Variants in AKAP19 observed in about 807,000 individuals in gnomAD.
AKAP19 encodes small A-kinase anchoring protein.
At chr2:189,892,597 C>A in the AKAP19 span, among the ~76,000 whole-genome samples, 1 of 152,222 alleles carries the variant, frequency 6.6e-6, no homozygotes, top group South Asian at 2.1e-4. Flanking sequence ...CTGTTCCTTC[C>A]TCTGGAAGCT....
the AKAP19 span, among the ~76,000 whole-genome samples, chr2:190,050,533 G>C: frequency 1.3e-5 from 2 of 152,114 alleles, no homozygotes; most frequent in East Asian, 3.8e-4. Flanking sequence ...TGCAGTTGTA[G>C]GTGAAAGGAT....
chr2:189,950,352 T>G, the AKAP19 span, among the ~76,000 whole-genome samples: 4 of 150,686 alleles, frequency 2.7e-5, no homozygotes, highest in African/African-American at 9.8e-5. Flanking sequence ...TTTTTGTTTT[T>G]TTTTTTAAGG....
chr2:189,991,132 T>C, the AKAP19 span, among the ~76,000 whole-genome samples: 1 of 152,232 alleles, frequency 6.6e-6, no homozygotes, highest in Non-Finnish European at 1.5e-5. Flanking sequence ...ATTTTTGCAA[T>C]TGCAAATTGT....
the AKAP19 span, among the ~76,000 whole-genome samples, chr2:189,996,924 C>A: frequency 6.6e-6 from 1 of 152,208 alleles, no homozygotes; most frequent in Non-Finnish European, 1.5e-5. Context: ...GGAATGTCTG[C>A]AGAGACTCCC....
the AKAP19 span, among the ~76,000 whole-genome samples, chr2:189,964,759 G>C: frequency 6.6e-6 from 1 of 152,188 alleles, no homozygotes; most frequent in African/African-American, 2.4e-5. Context: ...AACTTTCACA[G>C]AATTTAAGAG....
the AKAP19 span, among the ~76,000 whole-genome samples, chr2:190,191,485 C>G: frequency 1.3e-5 from 2 of 152,130 alleles, no homozygotes; most frequent in Non-Finnish European, 2.9e-5. Flanking sequence ...TTTCATGTAT[C>G]TAGGGTAAAT....
the AKAP19 span, among the ~76,000 whole-genome samples, chr2:190,038,944 T>TTCTTCTTCC: frequency 9.6e-5 from 14 of 145,162 alleles, no homozygotes; most frequent in African/African-American, 3.8e-4. Flanking sequence ...CTTCTTCTTC[T>TTCTTCTTCC]TCTTCTTCTT....
the AKAP19 span, among the ~76,000 whole-genome samples, chr2:190,028,260 G>T: frequency 6.6e-6 from 1 of 152,234 alleles, no homozygotes; most frequent in East Asian, 1.9e-4. Context: ...TGTATTGTTT[G>T]AGGGGGATAA....
the AKAP19 span, among the ~76,000 whole-genome samples, chr2:190,191,907 G>GT: frequency 5.1e-4 from 75 of 147,340 alleles, no homozygotes; most frequent in Non-Finnish European, 5.7e-4. Flanking sequence ...TATATTTGCT[G>GT]TTTTTTTTTC....
the AKAP19 span, chr2:190,200,076 T>C: frequency 1.1e-5 from 17 of 1,613,976 alleles, 1 homozygote; most frequent in South Asian, 7.7e-5. Context: ...TCTTGTGTGA[T>C]GCCTTGCAGC....
the AKAP19 span, among the ~76,000 whole-genome samples, chr2:190,049,081 A>G: frequency 6.6e-6 from 1 of 152,106 alleles, no homozygotes; most frequent in Non-Finnish European, 1.5e-5. Context: ...AAATATTTTT[A>G]AATTCTGCAT....
At chr2:190,171,649 T>C in the AKAP19 span, among the ~76,000 whole-genome samples, 5 of 152,280 alleles carry the variant, frequency 3.3e-5, no homozygotes, top group Non-Finnish European at 7.4e-5. Flanking sequence ...TTCTCTTTTT[T>C]TGGCCAGAAA....
the AKAP19 span, among the ~76,000 whole-genome samples, chr2:190,016,041 G>A: frequency 2.0e-5 from 3 of 152,164 alleles, no homozygotes; most frequent in African/African-American, 7.2e-5. Context: ...CAAGTCTCTA[G>A]GAAGTTCCAA....
the AKAP19 span, among the ~76,000 whole-genome samples, chr2:190,108,451 C>T: frequency 2.6e-5 from 4 of 152,328 alleles, no homozygotes; most frequent in Admixed American, 1.3e-4. Context: ...CCACTATGCC[C>T]GGCCCAAAAT....
chr2:189,962,955 G>A, the AKAP19 span, among the ~76,000 whole-genome samples: 6 of 152,028 alleles, frequency 3.9e-5, no homozygotes, highest in African/African-American at 1.4e-4. Context: ...CATTTTACCT[G>A]TAGTAAAACT....
At chr2:190,193,257 T>TTGTC in the AKAP19 span, among the ~76,000 whole-genome samples, 1 of 152,134 alleles carries the variant, frequency 6.6e-6, no homozygotes, top group Non-Finnish European at 1.5e-5. Context: ...ATTATATCTA[T>TTGTC]TGTCTTTGGA....
the AKAP19 span, among the ~76,000 whole-genome samples, chr2:190,153,698 T>C: frequency 6.6e-6 from 1 of 152,198 alleles, no homozygotes; most frequent in Non-Finnish European, 1.5e-5. Context: ...ATTACATTAA[T>C]ATATTTTGTA....
At chr2:190,117,751 G>A in the AKAP19 span, among the ~76,000 whole-genome samples, 2 of 152,170 alleles carry the variant, frequency 1.3e-5, no homozygotes, top group South Asian at 2.1e-4. Flanking sequence ...CTGGCTCCCC[G>A]AAGAAAGCCA....
At chr2:190,098,098 T>G in the AKAP19 span, among the ~76,000 whole-genome samples, 9 of 152,134 alleles carry the variant, frequency 5.9e-5, no homozygotes, top group Non-Finnish European at 1.3e-4. Flanking sequence ...GTTGAGAGTT[T>G]GATCTCCTCC....
Sources: gnomAD v4.1 joint callset for allele counts (sites outside exome capture counted in the v4.1 genomes callset) on GRCh38, gnomAD v4.1.1 for gene constraint, MANE v1.5 for transcripts, NCBI Gene and HGNC (gene_info 2026-07-23, HGNC 2026-07-21) for gene names.